The following GRID2 variants were observed in gnomAD, a reference collection of about 807,000 sequenced individuals.
GRID2 encodes the protein glutamate ionotropic receptor delta type subunit 2, also known as glutamate receptor ionotropic, delta-2.
Under a neutral mutation model 114.8 loss-of-function variants are expected in GRID2, and 33 were observed. The ratio of observed to expected loss-of-function variants is 0.29; its 90% CI spans 0.22 to 0.38. The LOEUF is 0.38. GRID2 is among the 10% of genes least tolerant of loss of function. GRID2 has a pLI of 1.00. For missense variants in GRID2, 1,184 were observed against 1,257.7 expected, an observed-to-expected ratio of 0.94 and a Z score of 0.89; for synonymous variants, 505 against 449.9, an observed-to-expected ratio of 1.12 and a Z score of -1.55.
rs760605020 is a variant in GRID2, at chr4:92,688,037, C to CTTTTTTTTTTTTTTTTTTTTTTTTTTT, written c.244+97754_244+97780dup. On this transcript the variant is annotated intron_variant, in intron 2 of 15. Transcript: ENST00000282020. ...GCCACATTGGTTGACCCTTCTTCTT[C>CTTTTTTTTTTTTTTTTTTTTTTTTTTT]TTTTTTTTTTTTTTTTTTTTTTTTT... 4.5e-5 allele frequency among the ~76,000 whole-genome samples: 2 copies of CTTTTTTTTTTTTTTTTTTTTTTTTTTT among 44,668 alleles called. 1 individual carries two copies. The highest frequency in any genetic ancestry group is 8.1e-5 in the Non-Finnish European group (2 of 24,658). 29.3% of individuals were successfully genotyped at this position (44,668 alleles called of 152,430 possible).
chr4:93,483,041 T>A (rs1383488962), intron 11 of GRID2, among the ~76,000 whole-genome samples: 1 of 152,022 alleles, frequency 6.6e-6, no homozygotes. Flanking sequence ...TATATAAAGG[T>A]GACTGGCATA....
intron 2 of GRID2, among the ~76,000 whole-genome samples, chr4:92,874,367 A>G (rs921605051): frequency 1.3e-5 from 2 of 152,224 alleles, no homozygotes; most frequent in Non-Finnish European, 2.9e-5. Flanking sequence ...ATTAAAATGA[A>G]ATGATTCGGA....
At chr4:92,994,947 G>T (rs1244295898) in intron 2 of GRID2, among the ~76,000 whole-genome samples, 1 of 152,118 alleles carries the variant, frequency 6.6e-6, no homozygotes, top group Non-Finnish European at 1.5e-5. Flanking sequence ...CACAGTGGGA[G>T]TATTTACACT....
intron 12 of GRID2, among the ~76,000 whole-genome samples, chr4:93,493,270 C>G (rs1333531551): frequency 1.3e-5 from 2 of 151,802 alleles, no homozygotes; most frequent in African/African-American, 2.4e-5. Flanking sequence ...ATGCAGTAAA[C>G]AACAACTGTC....
intron 14 of GRID2, among the ~76,000 whole-genome samples, chr4:93,691,771 G>A (rs575409792): frequency 6.6e-6 from 1 of 151,962 alleles, no homozygotes; most frequent in Non-Finnish European, 1.5e-5. Context: ...ACATACTAGA[G>A]ACTATTTTAT....
chr4:93,687,507 CAAAG>C (rs1185051462), intron 14 of GRID2, among the ~76,000 whole-genome samples: 1 of 151,852 alleles, frequency 6.6e-6, no homozygotes, highest in Non-Finnish European at 1.5e-5. Context: ...GCAGTACAAA[CAAAG>C]AACACCAAAA....
At chr4:93,439,197 C>T (rs1159951014) in intron 10 of GRID2, among the ~76,000 whole-genome samples, 1 of 152,040 alleles carries the variant, frequency 6.6e-6, no homozygotes, top group Non-Finnish European at 1.5e-5. Flanking sequence ...GGTATATACC[C>T]AGTAATGTGA....
At chr4:93,675,650 C>A (rs1724786521) in intron 14 of GRID2, among the ~76,000 whole-genome samples, 1 of 152,104 alleles carries the variant, frequency 6.6e-6, no homozygotes, top group Admixed American at 6.6e-5. Flanking sequence ...GCAGTGGATC[C>A]CGAGCTCACA....
chr4:93,744,305 A>G (rs992717554), intron 14 of GRID2, among the ~76,000 whole-genome samples: 19 of 152,322 alleles, frequency 1.2e-4, no homozygotes, highest in Admixed American at 3.3e-4. Context: ...TGTAGCTACC[A>G]TAGACAGACA....
intron 14 of GRID2, among the ~76,000 whole-genome samples, chr4:93,700,490 A>G (rs982920420): frequency 2.0e-5 from 3 of 152,194 alleles, no homozygotes; most frequent in African/African-American, 7.2e-5. Flanking sequence ...CTAGAGTTGC[A>G]AAGAGTAGCT....
At chr4:92,626,655 C>T (rs938753297) in intron 2 of GRID2, among the ~76,000 whole-genome samples, 1 of 151,974 alleles carries the variant, frequency 6.6e-6, no homozygotes, top group African/African-American at 2.4e-5. Flanking sequence ...GGACTCAGGG[C>T]TTTCCCAAGT....
At chr4:93,756,351 A>G (rs762569384) in intron 14 of GRID2, among the ~76,000 whole-genome samples, 141 of 152,184 alleles carry the variant, frequency 9.3e-4, no homozygotes, top group Non-Finnish European at 2.4e-4. Context: ...TTCACAATCT[A>G]TGTTTCTTAG....
intron 1 of GRID2, among the ~76,000 whole-genome samples, chr4:93,798,179 A>G (rs1357935392): frequency 6.6e-6 from 1 of 152,026 alleles, no homozygotes; most frequent in Non-Finnish European, 1.5e-5. Context: ...AAAAAATAAA[A>G]AGAGGAGCAG....
chr4:93,359,528 T>C (rs934639354), intron 8 of GRID2, among the ~76,000 whole-genome samples: 1 of 151,570 alleles, frequency 6.6e-6, no homozygotes, highest in Non-Finnish European at 1.5e-5. Flanking sequence ...CTTATTCATT[T>C]TTTTCTGTAG....
intron 2 of GRID2, among the ~76,000 whole-genome samples, chr4:92,933,384 A>C (rs1329365803): frequency 6.6e-6 from 1 of 151,508 alleles, no homozygotes; most frequent in East Asian, 1.9e-4. Context: ...TATTGGTTAA[A>C]TCAGTTCTAC....
chr4:93,339,666 G>GA (rs113911812), intron 8 of GRID2, among the ~76,000 whole-genome samples: 38,319 of 151,892 alleles, frequency 0.25, 8,137 homozygotes, highest in African/African-American at 0.58. Flanking sequence ...TTTCTCTCAG[G>GA]AAAAAATTTT....
chr4:92,997,822 A>G (rs1488188498), intron 2 of GRID2, among the ~76,000 whole-genome samples: 1 of 152,178 alleles, frequency 6.6e-6, no homozygotes, highest in East Asian at 1.9e-4. Context: ...AGCAGTTAAG[A>G]CCCTTCATGT....
At chr4:92,975,663 T>C (rs1753827046) in intron 2 of GRID2, among the ~76,000 whole-genome samples, 1 of 152,148 alleles carries the variant, frequency 6.6e-6, no homozygotes, top group Non-Finnish European at 1.5e-5. Context: ...AATCAATGAT[T>C]AGACTATTAT....
At chr4:93,518,560 G>A (rs1730029397) in intron 13 of GRID2, among the ~76,000 whole-genome samples, 1 of 152,076 alleles carries the variant, frequency 6.6e-6, no homozygotes. Context: ...CCTTCATGGA[G>A]TTTGCATTAT....
Sources: allele counts gnomAD v4.1 joint callset (sites outside exome capture counted in the v4.1 genomes callset), GRCh38; gene constraint gnomAD v4.1.1; transcripts MANE v1.5; gene names NCBI Gene and HGNC (gene_info 2026-07-23, HGNC 2026-07-21).